RBPJL: variants seen among roughly 807,000 people sequenced by gnomAD.
The protein encoded by RBPJL is recombining binding protein suppressor of hairless-like protein.
In RBPJL, 50 loss-of-function variants were observed where a neutral mutation model predicts 57.6. That is an observed-to-expected ratio of 0.87 (90% CI 0.69 to 1.10). RBPJL has a LOEUF of 1.10. RBPJL is among the 50% of genes least tolerant of loss of function. The pLI, the probability that RBPJL is intolerant of heterozygous loss-of-function variation, is 0.00. For synonymous variants in RBPJL, 303 were observed against 294.4 expected (o/e 1.03, Z -0.30); for missense variants, 684 against 693.7 (o/e 0.99, Z 0.16).
In RBPJL at chr20:45,309,710, C is replaced by T; in HGVS notation, c.257+18C>T. On this transcript the variant is annotated intron_variant, in intron 3 of 11. Coordinates refer to ENST00000343694, the MANE Select transcript of RBPJL (RefSeq NM_014276.4). ...GAGAAGCGGTAGGTGCCTCCGCAGCCCCTCCCAGGTCTCTGCAACTGTCAG... is the reference window on the plus strand; with the variant it reads ...GAGAAGCGGTAGGTGCCTCCGCAGCTCCTCCCAGGTCTCTGCAACTGTCAG... The T allele has an allele frequency of 6.2e-7, 1 of 1,613,056 alleles. No individual in the cohort carries two copies.
At chr20:45,311,124 A>AC (rs1036744757) in intron 3 of RBPJL, among the ~76,000 whole-genome samples, 23 of 151,520 alleles carry the variant, frequency 1.5e-4, no homozygotes, top group African/African-American at 4.6e-4. Context: ...CTCAAAAAAA[A>AC]AAAAAAAGAA....
chr20:45,316,756 G>T lies in RBPJL; in HGVS notation c.1351G>T (p.Ala451Ser), dbSNP rs779665318. ...CTGCAGCGACTGGCGCTGGCTGCGCGCTCCCATCACAATCCCCATGAGCCT... is the reference window on the plus strand; with the variant it reads ...CTGCAGCGACTGGCGCTGGCTGCGCTCTCCCATCACAATCCCCATGAGCCT... ...AFCSDWRWLR[A>S]PITIPMSLVR... is the part of the protein sequence containing the mutation. The change falls in exon 12 of 12, where the codon GCT (alanine) becomes TCT (serine). Residue 451 changes from alanine (A) to serine (S), a missense_variant. Physicochemically the swap from Ala to Ser is moderately conservative, Grantham distance 99. Coordinates refer to ENST00000343694, the MANE Select transcript of RBPJL (RefSeq NM_014276.4). 1.2e-6 allele frequency: 2 copies of T among 1,613,706 alleles called. No homozygotes were observed. The highest frequency in any genetic ancestry group is 1.7e-6 in the Non-Finnish European group (2 of 1,179,794).
At chr20:45,307,892 G>A (rs1191893266) in intron 1 of RBPJL, among the ~76,000 whole-genome samples, 2 of 152,158 alleles carry the variant, frequency 1.3e-5, no homozygotes, top group Non-Finnish European at 2.9e-5. Flanking sequence ...GGTTGAGGGA[G>A]TGGAGCAGCA....
chr20:45,312,421 G>C (rs1207602953), intron 6 of RBPJL, 26 bp downstream of exon 6: 2 of 1,599,460 alleles, frequency 1.3e-6, no homozygotes, highest in East Asian at 4.5e-5. Flanking sequence ...CCTGACCCCC[G>C]GCCCGGGCGG....
chr20:45,307,684 A>G (rs1366878151), intron 1 of RBPJL, among the ~76,000 whole-genome samples: 1 of 152,228 alleles, frequency 6.6e-6, no homozygotes, highest in Non-Finnish European at 1.5e-5. Flanking sequence ...TAGAAAGTCA[A>G]AATAGCAAAT....
At position 45,314,566 on chromosome 20, in the gene RBPJL, G is replaced by A. The variant is rs758315309; in HGVS notation, c.1020+1G>A. 6.2e-7 allele frequency: 1 copy of A among 1,612,066 alleles called. No homozygotes were observed. The highest frequency in any genetic ancestry group is 1.3e-5 in the African/African-American group (1 of 74,884). Reference sequence around the variant, plus strand: ...CACAGAGAAGGTGGTGCAATTTCAGGTAAGAAGCAGAGAATACCAGCACCA... The same window carrying A: ...CACAGAGAAGGTGGTGCAATTTCAGATAAGAAGCAGAGAATACCAGCACCA... On this transcript the variant is annotated splice_donor_variant, in intron 9 of 11. Transcript: ENST00000343694. LOFTEE classifies it high-confidence loss of function.
intron 1 of RBPJL, among the ~76,000 whole-genome samples, chr20:45,307,782 A>C (rs951752362): frequency 7.2e-5 from 11 of 152,178 alleles, no homozygotes; most frequent in Non-Finnish European, 1.5e-4. Flanking sequence ...TGAAGGGTAC[A>C]TGGCGATGTC....
chr20:45,311,656 C>A lies in RBPJL; in HGVS notation c.325C>A (p.Gln109Lys). ...PGWRVKPGQD[Q>K]AHQAGETGPT... is the part of the protein sequence containing the mutation. ...CTGGAGGGTGAAGCCAGGGCAGGATCAAGGTGAGGGCGGAATCAAGGGCTG... is the reference window on the plus strand; with the variant it reads ...CTGGAGGGTGAAGCCAGGGCAGGATAAAGGTGAGGGCGGAATCAAGGGCTG... Residue 109 changes from glutamine to lysine, a missense_variant, in exon 4 of 12, where the codon CAA (glutamine) becomes AAA (lysine). Gln to Lys is a moderately conservative substitution (Grantham distance 53). Coordinates refer to ENST00000343694, the MANE Select transcript of RBPJL (RefSeq NM_014276.4). The A allele has an allele frequency of 6.2e-7, 1 of 1,614,116 alleles. No homozygotes were observed. Among genetic ancestry groups the A allele is most frequent in the Non-Finnish European group, 8.5e-7 (1 of 1,180,024 alleles).
chr20:45,308,049 G>A, intron 1 of RBPJL, 94 bp from the exon 2 acceptor site: 1 of 800,962 alleles, frequency 1.2e-6, no homozygotes, highest in Non-Finnish European at 2.1e-6. Flanking sequence ...CTGCAGAAGT[G>A]GGGAAGGGCA....
At chr20:45,313,918 G>A (rs1339615326) in intron 7 of RBPJL, 117 bp from the exon 8 acceptor site, 4 of 785,756 alleles carry the variant, frequency 5.1e-6, no homozygotes, top group Admixed American at 2.1e-5. Context: ...TGAGTACCAA[G>A]CTTTCCCGCA....
chr20:45,316,204 G>C lies in RBPJL; in HGVS notation c.1038G>C (p.Lys346Asn). The C allele has an allele frequency of 6.2e-7, 1 of 1,614,080 alleles. No homozygotes were observed. The highest frequency in any genetic ancestry group is 1.1e-5 in the South Asian group (1 of 91,090). Reference sequence around the variant, plus strand: ...CCTCCCAGGCCTCTCCCTGCCCCAAGGAGGCGAACAGGGCTCTGCTTAACG... The same window carrying C: ...CCTCCCAGGCCTCTCCCTGCCCCAACGAGGCGAACAGGGCTCTGCTTAACG... ...VVQFQASPCP[K>N]EANRALLNDS... The change falls in exon 10 of 12, where the codon AAG (lysine) becomes AAC (asparagine). Residue 346 changes from lysine to asparagine, a missense_variant. Physicochemically the swap from Lys to Asn is moderately conservative, Grantham distance 94. Coordinates refer to ENST00000343694, the MANE Select transcript of RBPJL (RefSeq NM_014276.4).
At position 45,314,329 on chromosome 20, in the gene RBPJL, G is replaced by C. The variant is rs1009486740; in HGVS notation, c.868-84G>C. 7.5e-6 allele frequency: 11 copies of C among 1,475,382 alleles called. No homozygotes were observed. The African/African-American group carries it at 1.5e-4, about 20-fold the overall frequency. 91.4% of individuals were successfully genotyped at this position (1,475,382 alleles called of 1,614,324 possible). A position where few individuals can be genotyped will look rare whatever the true frequency, so the allele number is the denominator to read the frequency against. On this transcript the variant is annotated intron_variant, in intron 8 of 11. Transcript: ENST00000343694. ...TCTGCTAGTGCCTGTGTGGCTATTG[G>C]AGTAGCAGACAGCCGGCTAGGAGGG...
At chr20:45,309,358 T>C (rs114476282) in intron 2 of RBPJL, among the ~76,000 whole-genome samples, 155 of 152,222 alleles carry the variant, frequency 1.0e-3, no homozygotes, top group African/African-American at 3.3e-3. Context: ...GCAGCCTAAA[T>C]ATTTAGCCTA....
chr20:45,311,808 C>G (rs1987185605), intron 4 of RBPJL, 31 bp from the exon 5 acceptor site: 2 of 1,537,770 alleles, frequency 1.3e-6, no homozygotes, highest in Admixed American at 2.0e-5. Context: ...CCTCCCGAGT[C>G]CTTGCAGAGC....
intron 9 of RBPJL, among the ~76,000 whole-genome samples, chr20:45,315,345 T>A (rs893929639): frequency 6.6e-6 from 1 of 151,976 alleles, no homozygotes; most frequent in Admixed American, 6.6e-5. Flanking sequence ...CCAAGAATAT[T>A]CCTTCCCAAA....
rs1185016000 is a variant in RBPJL, at chr20:45,316,561, G to C, written c.1261G>C (p.Glu421Gln). The change falls in exon 11 of 12, where the codon GAG becomes CAG. Residue 421 changes from glutamate (E) to glutamine (Q), a missense_variant. Coordinates refer to ENST00000343694, the MANE Select transcript of RBPJL (RefSeq NM_014276.4). The stretch of plus-strand genomic sequence containing the variant: ...GCTCAAGGTGTGGTTTGGGGACGTG[G>C]AGGCAGAAACCATGTACAGGTACGG... ...AGLKVWFGDV[E>Q]AETMYRSPRS... is the part of the protein sequence containing the mutation. 2.6e-6 allele frequency: 4 copies of C among 1,535,418 alleles called. No individual in the cohort carries two copies. The South Asian group carries it at 4.9e-5, about 19-fold the overall frequency.
rs1269240810 is a variant in RBPJL, at chr20:45,313,613, C to T, written c.757+8C>T. On this transcript the variant is annotated splice_region_variant and intron_variant, in intron 7 of 11. Transcript: ENST00000343694. ...CCTTCACGCTCCACCTGGGTAATGACATCTGCAGGCCCTGGAGCTGGGCAC... is the reference window on the plus strand; with the variant it reads ...CCTTCACGCTCCACCTGGGTAATGATATCTGCAGGCCCTGGAGCTGGGCAC... 4 of 1,600,844 alleles carry T rather than the reference C, an allele frequency of 2.5e-6. No homozygotes were observed. The highest frequency in any genetic ancestry group is 2.6e-6 in the Non-Finnish European group (3 of 1,173,022).
intron 2 of RBPJL, 98 bp downstream of exon 2, chr20:45,308,349 G>A (rs1986933119): frequency 1.3e-6 from 1 of 788,872 alleles, no homozygotes; most frequent in East Asian, 2.6e-5. Context: ...GGCGGGTGGG[G>A]AGGGGAAGTG....
chr20:45,308,298 C>T, intron 2 of RBPJL, 47 bp downstream of exon 2: 1 of 1,290,246 alleles, frequency 7.8e-7, no homozygotes, highest in African/African-American at 1.5e-5. Context: ...TGCCAGGCAG[C>T]TGGAGCACAC....
Sources: gnomAD v4.1 joint callset for allele counts (sites outside exome capture counted in the v4.1 genomes callset) on GRCh38, gnomAD v4.1.1 for gene constraint, MANE v1.5 for transcripts, NCBI Gene and HGNC (gene_info 2026-07-23, HGNC 2026-07-21) for gene names.